Variants in GRIA3 observed in about 807,000 individuals in gnomAD.
GRIA3 encodes the protein glutamate receptor 3.
In GRIA3, 3 loss-of-function variants were observed where a neutral mutation model predicts 63.0. The ratio of observed to expected loss-of-function variants is 0.05; its 90% CI spans 0.02 to 0.12. The LOEUF (loss-of-function observed/expected upper bound fraction) is 0.12. Among genes scored for constraint, GRIA3 ranks in the 10% least tolerant of loss-of-function variants. The pLI is 1.00. For synonymous variants in GRIA3, 274 were observed against 257.9 expected (o/e 1.06, Z -0.60); for missense variants, 347 against 700.9 (o/e 0.50, Z 5.70).
At chrX:123,450,499 A>C (rs1374341157) in intron 12 of GRIA3, among the ~76,000 whole-genome samples, 6 of 112,777 alleles carry the variant, frequency 5.3e-5, no homozygotes, top group African/African-American at 1.9e-4. Flanking sequence ...GCATCTATGC[A>C]AACTTGGAAT....
chrX:123,266,029 C>T (rs937965274), intron 3 of GRIA3, among the ~76,000 whole-genome samples: 1 of 112,222 alleles, frequency 8.9e-6, no homozygotes, highest in African/African-American at 3.2e-5. Context: ...AAGGCCTTTA[C>T]TGCCATCACT....
intron 12 of GRIA3, among the ~76,000 whole-genome samples, chrX:123,456,408 G>T (rs1306993922): frequency 3.6e-5 from 4 of 111,685 alleles, no homozygotes; most frequent in Middle Eastern, 4.6e-3. Context: ...TATTTGAAAA[G>T]TTGTATGGCA....
chrX:123,200,614 C>T (rs867606020), intron 2 of GRIA3, among the ~76,000 whole-genome samples: 2 of 101,986 alleles, frequency 2.0e-5, no homozygotes, highest in African/African-American at 7.2e-5. Context: ...TACATACACA[C>T]ACACACACAC....
chrX:123,198,802 A>G (rs1368164423), intron 2 of GRIA3, among the ~76,000 whole-genome samples: 2 of 111,974 alleles, frequency 1.8e-5, no homozygotes, highest in African/African-American at 6.5e-5. Flanking sequence ...GTAAAGCAGC[A>G]TGGATAGTAA....
intron 10 of GRIA3, among the ~76,000 whole-genome samples, chrX:123,412,736 C>A (rs771997024): frequency 9.0e-6 from 1 of 111,714 alleles, no homozygotes; most frequent in South Asian, 3.8e-4. Context: ...TATTCCCTTG[C>A]CTTTTTCCAT....
chrX:123,480,707 T>C (rs2045908429), intron 14 of GRIA3, among the ~76,000 whole-genome samples: 1 of 111,808 alleles, frequency 8.9e-6, no homozygotes, highest in Non-Finnish European at 1.9e-5. Flanking sequence ...TGCCAGCTGC[T>C]GTTGTATTGA....
intron 5 of GRIA3, among the ~76,000 whole-genome samples, chrX:123,390,548 T>A (rs2045380572): frequency 8.9e-6 from 1 of 112,107 alleles, no homozygotes; most frequent in South Asian, 3.7e-4. Context: ...ACTAAGTGAC[T>A]AGATGCTTTT....
intron 3 of GRIA3, among the ~76,000 whole-genome samples, chrX:123,270,587 G>A (rs1471805533): frequency 4.5e-5 from 5 of 112,060 alleles, no homozygotes; most frequent in Non-Finnish European, 9.4e-5. Flanking sequence ...CTGAAAATAC[G>A]TTTTCTTTTC....
At chrX:123,465,447 T>C (rs1384256168) in intron 13 of GRIA3, among the ~76,000 whole-genome samples, 1 of 111,865 alleles carries the variant, frequency 8.9e-6, no homozygotes, top group Non-Finnish European at 1.9e-5. Flanking sequence ...TTCTTGTTAC[T>C]TTTTTTCTCA....
At chrX:123,379,750 C>T (rs1041117532) in intron 5 of GRIA3, among the ~76,000 whole-genome samples, 2 of 101,515 alleles carry the variant, frequency 2.0e-5, no homozygotes, top group Admixed American at 2.2e-4. Flanking sequence ...CCCATTAACT[C>T]GTCATTTAGC....
At chrX:123,185,683 G>A (rs1927251520) in intron 1 of GRIA3, 149 bp from the exon 2 acceptor site, 1 of 516,208 alleles carries the variant, frequency 1.9e-6, no homozygotes, top group African/African-American at 2.3e-5. Context: ...GAGTTCACAA[G>A]TCTTGAAAGA....
chrX:123,306,267 G>A (rs371813611), intron 3 of GRIA3, among the ~76,000 whole-genome samples: 26 of 111,498 alleles, frequency 2.3e-4, no homozygotes, highest in African/African-American at 7.8e-4. Context: ...CCACCAAATC[G>A]CAAGTTGACC....
intron 4 of GRIA3, among the ~76,000 whole-genome samples, chrX:123,342,101 C>G (rs995566350): frequency 9.0e-6 from 1 of 111,663 alleles, no homozygotes; most frequent in Non-Finnish European, 1.9e-5. Context: ...ATTTTATGTA[C>G]CACATCTAAA....
At chrX:123,463,122 G>C (rs1362059452) in intron 12 of GRIA3, among the ~76,000 whole-genome samples, 1 of 111,383 alleles carries the variant, frequency 9.0e-6, no homozygotes, top group Non-Finnish European at 1.9e-5. Context: ...GTTTTGGTTT[G>C]ACCTCAACCT....
At chrX:123,483,091 T>C (rs755925860) in intron 15 of GRIA3, 45 bp downstream of exon 15, 1 of 1,069,795 alleles carries the variant, frequency 9.3e-7, no homozygotes, top group South Asian at 2.0e-5. Context: ...CTTTACTGTA[T>C]GTCAATCTCT....
chrX:123,256,083 G>A (rs780495875), intron 3 of GRIA3, among the ~76,000 whole-genome samples: 28 of 111,068 alleles, frequency 2.5e-4, no homozygotes, highest in South Asian at 7.7e-4. Context: ...CTCAGCAATC[G>A]TACTTTTACT....
intron 2 of GRIA3, among the ~76,000 whole-genome samples, chrX:123,206,718 A>T (rs1354307632): frequency 9.0e-6 from 1 of 111,283 alleles, no homozygotes; most frequent in Non-Finnish European, 1.9e-5. Context: ...AAGACCTAAC[A>T]AACAGTGGAT....
At chrX:123,473,617 G>C (rs2045874160) in intron 13 of GRIA3, among the ~76,000 whole-genome samples, 1 of 111,193 alleles carries the variant, frequency 9.0e-6, no homozygotes, top group Non-Finnish European at 1.9e-5. Flanking sequence ...CAAAAGAGAG[G>C]ATGGCTGTTC....
chrX:123,197,405 G>T (rs759792886), intron 2 of GRIA3, among the ~76,000 whole-genome samples: 16 of 111,420 alleles, frequency 1.4e-4, no homozygotes, highest in African/African-American at 4.9e-4. Flanking sequence ...TGTGCCTGTA[G>T]TCCCAGCTAC....
Sources: allele counts gnomAD v4.1 joint callset (sites outside exome capture counted in the v4.1 genomes callset), GRCh38; gene constraint gnomAD v4.1.1; transcripts MANE v1.5; gene names NCBI Gene and HGNC (gene_info 2026-07-23, HGNC 2026-07-21).